TF: variants seen among roughly 807,000 people sequenced by gnomAD.
TF encodes the protein transferrin, also known as serotransferrin.
A neutral mutation model predicts 82.4 loss-of-function variants in TF; 55 were observed. That is an observed-to-expected ratio of 0.67 (90% confidence interval 0.54 to 0.84). The LOEUF (loss-of-function observed/expected upper bound fraction) is 0.84, where lower values mean the gene tolerates loss of function less well. TF is among the 40% of genes least tolerant of loss of function. The probability of loss-of-function intolerance (pLI) is 0.00; values close to 1 mark genes in which losing one functional copy is unlikely to be tolerated. For missense variants in TF, 737 were observed against 868.4 expected (o/e 0.85, Z 1.90); for synonymous variants, 332 against 332.6 (o/e 1.00, Z 0.02).
intron 1 of TF, among the ~76,000 whole-genome samples, chr3:133,746,732 A>G (rs1933513217): frequency 6.6e-6 from 1 of 152,212 alleles, no homozygotes; most frequent in Non-Finnish European, 1.5e-5. Context: ...GTGAAATACA[A>G]TAAATCAGAG....
chr3:133,735,017 T>A, the TF span, among the ~76,000 whole-genome samples: 1 of 152,246 alleles, frequency 6.6e-6, no homozygotes, highest in South Asian at 2.1e-4. Context: ...AACCTAACAC[T>A]TTTTTAGACA....
the TF span, among the ~76,000 whole-genome samples, chr3:133,717,306 G>A: frequency 3.8e-3 from 573 of 152,276 alleles, 3 homozygotes; most frequent in Non-Finnish European, 6.9e-3. Flanking sequence ...GGAGGCCAAC[G>A]AAAATTCTTT....
chr3:133,757,850 G>T lies in TF; in HGVS notation c.952G>T (p.Ala318Ser), dbSNP rs144143295. Residue 318 changes from alanine to serine, a missense_variant, in exon 8 of 17, where the codon GCC (alanine) becomes TCC (serine). Ala to Ser is a moderately conservative substitution (Grantham distance 99). Transcript: ENST00000402696. Reference sequence around the variant, plus strand: ...GAAGGACCTGCTGTTTAAGGACTCTGCCCACGGGTTTTTAAAAGTCCCCCC... The same window carrying T: ...GAAGGACCTGCTGTTTAAGGACTCTTCCCACGGGTTTTTAAAAGTCCCCCC... ...HGKDLLFKDS[A>S]HGFLKVPPRM... 1.3e-4 allele frequency: 207 copies of T among 1,614,180 alleles called. No homozygotes were observed. The highest frequency in any genetic ancestry group is 1.6e-4 in the Non-Finnish European group (189 of 1,180,030).
intron 12 of TF, among the ~76,000 whole-genome samples, chr3:133,766,830 A>G (rs1223673728): frequency 6.6e-6 from 1 of 152,154 alleles, no homozygotes; most frequent in Non-Finnish European, 1.5e-5. Context: ...TCCATGATCC[A>G]GGCAGCCCCA....
the TF span, among the ~76,000 whole-genome samples, chr3:133,738,523 C>T: frequency 1.3e-5 from 2 of 152,118 alleles, no homozygotes; most frequent in Non-Finnish European, 2.9e-5. Context: ...AAGTCAAATT[C>T]TCTCTGTTTG....
intron 2 of TF, among the ~76,000 whole-genome samples, chr3:133,752,843 A>G (rs1933713754): frequency 6.6e-6 from 1 of 152,200 alleles, no homozygotes; most frequent in Admixed American, 6.5e-5. Flanking sequence ...CATGTGTTGG[A>G]GTAGACAATT....
chr3:133,740,910 GTT>G, the TF span, among the ~76,000 whole-genome samples: 12 of 54,176 alleles, frequency 2.2e-4, no homozygotes, highest in African/African-American at 2.6e-4. Context: ...CATTTTTCAT[GTT>G]TTTTTTTTTT....
the TF span, among the ~76,000 whole-genome samples, chr3:133,689,932 A>G: frequency 4.7e-4 from 72 of 151,970 alleles, no homozygotes; most frequent in Non-Finnish European, 2.9e-5. Context: ...GTTTTGATAC[A>G]TGTATACTAG....
In TF at chr3:133,765,808, A is replaced by G. The variant is rs78529521; in HGVS notation, c.1331-470A>G. On this transcript the variant is annotated intron_variant, in intron 11 of 16. Transcript: ENST00000402696. ...AGCTGACTTGATATTGACATTTTCC[A>G]TTTTGCATATTTATTTTGGTATAAA... Among the ~76,000 whole-genome samples the G allele has an allele frequency of 1.3e-4, 20 of 152,316 alleles. No individual in the cohort carries two copies. In the East Asian group the frequency reaches 3.1e-3, roughly 23 times the overall value.
chr3:133,714,881 C>A, the TF span, among the ~76,000 whole-genome samples: 1 of 152,182 alleles, frequency 6.6e-6, no homozygotes, highest in Non-Finnish European at 1.5e-5. Context: ...CGGGGTTTCA[C>A]CATGTTGGCC....
the TF span, among the ~76,000 whole-genome samples, chr3:133,667,044 A>AG: frequency 1.1e-4 from 12 of 105,284 alleles, no homozygotes; most frequent in African/African-American, 3.6e-4. Flanking sequence ...TCAGAAAAAG[A>AG]AAAAAAAAAA....
chr3:133,684,419 G>GT, the TF span, among the ~76,000 whole-genome samples: 4 of 152,100 alleles, frequency 2.6e-5, no homozygotes, highest in Non-Finnish European at 1.5e-5. Context: ...CCAGGAGCTG[G>GT]TTTTTTGAAA....
Position 133,778,885 on chromosome 3 carries a change from C to G in TF, c.*265C>G. The G allele has an allele frequency of 2.6e-6, 1 of 391,410 alleles. No homozygotes were observed. The highest frequency in any genetic ancestry group is 4.8e-6 in the Non-Finnish European group (1 of 207,298). The allele number at this position is 391,410 out of a possible 1,614,324, so 24.2% of individuals were successfully genotyped here. On this transcript the variant is annotated 3_prime_UTR_variant, in exon 17 of 17. Transcript: ENST00000402696. ...GCAACTGAGCCCTTCCTTCTCAGCT[C>G]AAGATTCGTCTGGTCTTTCCCTACA... is the stretch of plus-strand genomic sequence containing the variant.
chr3:133,682,058 G>A, the TF span, among the ~76,000 whole-genome samples: 1 of 152,124 alleles, frequency 6.6e-6, no homozygotes, highest in Non-Finnish European at 1.5e-5. Flanking sequence ...TTGCTGTTCT[G>A]CAGGCTCCAT....
At position 133,749,893 on chromosome 3, in the gene TF, G is replaced by A. The variant is rs8177193; in HGVS notation, c.216+1309G>A. On this transcript the variant is annotated intron_variant, in intron 2 of 16. Transcript: ENST00000402696. The stretch of plus-strand genomic sequence containing the variant: ...AGAATGAGGGAGGGGAGAACGCAGG[G>A]CTCTGTAGAGTCAGAGAAGTAAAAA... 3.9e-4 allele frequency among the ~76,000 whole-genome samples: 59 copies of A among 152,278 alleles called. 1 individual carries two copies. Among genetic ancestry groups the A allele is most frequent in the African/African-American group, 1.3e-3 (52 of 41,550 alleles).
chr3:133,764,688 T>C (rs1934081211), intron 10 of TF, among the ~76,000 whole-genome samples, 187 bp from the exon 11 acceptor site: 1 of 152,166 alleles, frequency 6.6e-6, no homozygotes, highest in Non-Finnish European at 1.5e-5. Context: ...TGTGGATAAA[T>C]TCTAGAGGCC....
In TF at chr3:133,777,204, G is replaced by A. The variant is rs1217645536; in HGVS notation, c.2028G>A (p.Lys676=). The A allele has an allele frequency of 1.9e-6, 3 of 1,613,618 alleles. No homozygotes were observed. Among genetic ancestry groups the A allele is most frequent in the East Asian group, 2.2e-5 (1 of 44,898 alleles). The stretch of plus-strand genomic sequence containing the variant: ...AATACTTAGGAGAAGAATATGTCAA[G>A]GCTGTTGGTAACCTGAGAAAATGCT... The part of the protein sequence containing the change: ...YEKYLGEEYV[K]AVGNLRKCST... The change falls in exon 16 of 17, where the codon AAG becomes AAA. Residue 676 remains lysine (K), a synonymous_variant. Transcript: ENST00000402696.
the TF span, among the ~76,000 whole-genome samples, chr3:133,668,766 T>A: frequency 2.6e-5 from 4 of 152,144 alleles, no homozygotes; most frequent in East Asian, 7.7e-4. Context: ...CTCTGCCACC[T>A]GCACAGTAGG....
intron 1 of TF, chr3:133,747,112 G>A (rs997533909): frequency 1.9e-5 from 3 of 154,246 alleles, no homozygotes; most frequent in African/African-American, 7.2e-5. Flanking sequence ...CCGACCTCCT[G>A]AGGTGGGGCC....
Sources: allele counts gnomAD v4.1 joint callset (sites outside exome capture counted in the v4.1 genomes callset), GRCh38; gene constraint gnomAD v4.1.1; transcripts MANE v1.5; gene names NCBI Gene and HGNC (gene_info 2026-07-23, HGNC 2026-07-21).